PLSCR2: variants seen among roughly 807,000 people sequenced by gnomAD.
The protein encoded by PLSCR2 is phospholipid scramblase 2.
A neutral mutation model predicts 25.3 loss-of-function variants in PLSCR2; 18 were observed. The ratio of observed to expected loss-of-function variants is 0.71; its 90% CI spans 0.49 to 1.06. PLSCR2 has a LOEUF of 1.06. Ranked by LOEUF, PLSCR2 falls within the 50% of genes least tolerant of loss-of-function variation. PLSCR2 has a pLI of 0.00. For synonymous variants in PLSCR2, 88 were observed against 87.3 expected (o/e 1.01, Z -0.04); for missense variants, 243 against 269.5 (o/e 0.90, Z 0.69).
chr3:146,460,335 T>C (rs573525730), exon 1 of PLSCR2: 27 of 505,506 alleles, frequency 5.3e-5, no homozygotes, highest in Non-Finnish European at 7.4e-5. Flanking sequence ...AAAACTCAGA[T>C]AGAAAATATG....
chr3:146,440,746 A>C (rs761102575), downstream of PLSCR2, among the ~76,000 whole-genome samples: 17 of 152,112 alleles, frequency 1.1e-4, no homozygotes, highest in Admixed American at 3.9e-4. Context: ...GTAGGATCAT[A>C]ATGCCACCTG....
At chr3:146,491,340 T>C (rs2043545997) in intron 1 of PLSCR2, among the ~76,000 whole-genome samples, 1 of 152,050 alleles carries the variant, frequency 6.6e-6, no homozygotes, top group Non-Finnish European at 1.5e-5. Context: ...CTCGGGGATG[T>C]TTTTCTTGTA....
At chr3:146,426,299 T>TTCCTTCCCTCCTTCCC (rs1406488554) in intron 2 of PLSCR2, among the ~76,000 whole-genome samples, 3 of 144,410 alleles carry the variant, frequency 2.1e-5, no homozygotes, top group Admixed American at 6.9e-5. Context: ...CCTTCCTGCC[T>TTCCTTCCCTCCTTCCC]TCCTTCCCTC....
intron 6 of PLSCR2, among the ~76,000 whole-genome samples, chr3:146,442,214 C>T (rs1206739317): frequency 5.3e-5 from 8 of 151,918 alleles, no homozygotes; most frequent in South Asian, 2.1e-4. Flanking sequence ...AAAACAATTC[C>T]ATTTACAGCA....
At chr3:146,436,616 AT>A (rs2039876543) in intron 8 of PLSCR2, among the ~76,000 whole-genome samples, 1 of 152,116 alleles carries the variant, frequency 6.6e-6, no homozygotes, top group South Asian at 2.1e-4. Context: ...ATTTTTGCAC[AT>A]TGATTTTGTA....
chr3:146,444,500 T>G lies in PLSCR2; in HGVS notation c.646-2679A>C, dbSNP rs552744182. 2.4e-4 allele frequency among the ~76,000 whole-genome samples: 36 copies of G among 152,166 alleles called. 1 individual carries two copies. The South Asian group carries it at 3.7e-3, about 16-fold the overall frequency. On this transcript the variant is annotated intron_variant, in intron 6 of 6. Coordinates refer to ENST00000610787, the Ensembl canonical transcript of PLSCR2. ...TACATCTTCTTGCAAAATTGACCCCTGTATCATTACATAATGACTTTGTTG... is the reference window on the plus strand; with the variant it reads ...TACATCTTCTTGCAAAATTGACCCCGGTATCATTACATAATGACTTTGTTG...
chr3:146,458,468 A>G lies in PLSCR2; in HGVS notation c.58-15T>C. 7.1e-7 allele frequency: 1 copy of G among 1,413,726 alleles called. No individual in the cohort carries two copies. The highest frequency in any genetic ancestry group is 9.5e-7 in the Non-Finnish European group (1 of 1,052,552). 87.6% of individuals were successfully genotyped at this position (1,413,726 alleles called of 1,614,324 possible). A position where few individuals can be genotyped will look rare whatever the true frequency, so the allele number is the denominator to read the frequency against. On this transcript the variant is annotated splice_polypyrimidine_tract_variant and intron_variant, in intron 2 of 6. Coordinates refer to ENST00000610787, the Ensembl canonical transcript of PLSCR2. ...ATCATATCTATCTATTATAGTAAAAAGAAAATGAAGTTGTATGTCAAATAT... is the reference window on the plus strand; with the variant it reads ...ATCATATCTATCTATTATAGTAAAAGGAAAATGAAGTTGTATGTCAAATAT...
chr3:146,423,235 CT>C (rs2039213312), intron 2 of PLSCR2, among the ~76,000 whole-genome samples: 3 of 24,922 alleles, frequency 1.2e-4, no homozygotes, highest in African/African-American at 2.2e-4. Context: ...CTTGCAGTGC[CT>C]CTCTCTCTCT....
At chr3:146,452,788 C>T (rs2040975553) in intron 5 of PLSCR2, among the ~76,000 whole-genome samples, 1 of 151,892 alleles carries the variant, frequency 6.6e-6, no homozygotes, top group Non-Finnish European at 1.5e-5. Context: ...GAGAAATAAT[C>T]TTTCACTTGT....
chr3:146,441,881 G>T (rs2040263333), intron 6 of PLSCR2, 60 bp from the exon 7 acceptor site: 1 of 1,028,974 alleles, frequency 9.7e-7, no homozygotes, highest in Non-Finnish European at 1.5e-6. Context: ...ATCAGATGCA[G>T]AAATGCTAAG....
At chr3:146,424,410 AT>A (rs977738285) in intron 2 of PLSCR2, among the ~76,000 whole-genome samples, 14 of 152,044 alleles carry the variant, frequency 9.2e-5, no homozygotes, top group Admixed American at 3.3e-4. Context: ...CAACATATGA[AT>A]TTTTGGGGGA....
intron 2 of PLSCR2, among the ~76,000 whole-genome samples, chr3:146,419,687 C>A (rs1314549814): frequency 6.6e-6 from 1 of 151,972 alleles, no homozygotes; most frequent in Non-Finnish European, 1.5e-5. Flanking sequence ...TGTTTTCTGG[C>A]CTTATCCATG....
chr3:146,434,856 T>C (rs546341320), intron 8 of PLSCR2, among the ~76,000 whole-genome samples: 1 of 152,100 alleles, frequency 6.6e-6, no homozygotes, highest in Non-Finnish European at 1.5e-5. Flanking sequence ...TGAGCCATGT[T>C]GGTGTGCTGC....
chr3:146,469,105 T>G (rs1464376557), intron 1 of PLSCR2: 1 of 984,620 alleles, frequency 1.0e-6, no homozygotes, highest in Non-Finnish European at 1.2e-6. Flanking sequence ...GAATACTTAC[T>G]GATAAATGAC....
intron 5 of PLSCR2, among the ~76,000 whole-genome samples, chr3:146,453,106 C>T (rs1294320470): frequency 6.6e-6 from 1 of 151,866 alleles, no homozygotes; most frequent in Non-Finnish European, 1.5e-5. Context: ...TTTTATATAA[C>T]CAAATTCTAA....
At chr3:146,429,364 C>A (rs76159849), downstream of PLSCR2, among the ~76,000 whole-genome samples, 4 of 152,098 alleles carry the variant, frequency 2.6e-5, no homozygotes, top group African/African-American at 9.7e-5. Flanking sequence ...CAGCGAAGGT[C>A]GGGCTGACAA....
chr3:146,465,586 A>T (rs902710403), intron 1 of PLSCR2, among the ~76,000 whole-genome samples: 5 of 152,014 alleles, frequency 3.3e-5, no homozygotes, highest in South Asian at 4.2e-4. Flanking sequence ...AAAAAAAAAA[A>T]AATCACAATA....
At chr3:146,491,128 A>G (rs1009746811) in intron 1 of PLSCR2, among the ~76,000 whole-genome samples, 1 of 152,084 alleles carries the variant, frequency 6.6e-6, no homozygotes, top group South Asian at 2.1e-4. Context: ...TGAATATAAA[A>G]TTCTTGGTTG....
At chr3:146,405,862 G>A (rs138457430) in intron 2 of PLSCR2, among the ~76,000 whole-genome samples, 4 of 152,028 alleles carry the variant, frequency 2.6e-5, no homozygotes, top group Non-Finnish European at 5.9e-5. Context: ...ACCTTTTAGA[G>A]TATATATTTT....
Sources: gnomAD v4.1 joint callset for allele counts (sites outside exome capture counted in the v4.1 genomes callset) on GRCh38, gnomAD v4.1.1 for gene constraint, MANE v1.5 for transcripts, NCBI Gene and HGNC (gene_info 2026-07-23, HGNC 2026-07-21) for gene names.